RB1CC1: variants seen among roughly 807,000 people sequenced by gnomAD.
RB1CC1 encodes RB1 inducible coiled-coil 1, also known as RB1-inducible coiled-coil protein 1.
RB1CC1 carries 46 observed loss-of-function variants against 177.5 expected under a neutral mutation model. The ratio of observed to expected loss-of-function variants is 0.26; its 90% CI spans 0.20 to 0.33. The LOEUF (loss-of-function observed/expected upper bound fraction) is 0.33. Ranked by LOEUF, RB1CC1 falls within the 10% of genes least tolerant of loss-of-function variation. RB1CC1 has a pLI of 1.00. For synonymous variants in RB1CC1, 666 were observed against 613.6 expected (o/e 1.09, Z -1.26); for missense variants, 1,703 against 1,816.3 (o/e 0.94, Z 1.13).
At chr8:52,675,005 A>T (rs980773787) in intron 6 of RB1CC1, among the ~76,000 whole-genome samples, 6 of 152,162 alleles carry the variant, frequency 3.9e-5, no homozygotes, top group Non-Finnish European at 8.8e-5. Context: ...TAACACCCTG[A>T]AAACAGGTTT....
chr8:52,666,346 C>T (rs1001769987), intron 8 of RB1CC1, among the ~76,000 whole-genome samples: 1 of 152,128 alleles, frequency 6.6e-6, no homozygotes, highest in South Asian at 2.1e-4. Flanking sequence ...TGGAAAAACC[C>T]TGTCTCCACT....
intron 15 of RB1CC1, among the ~76,000 whole-genome samples, chr8:52,650,626 A>G (rs1426636813): frequency 3.9e-5 from 6 of 152,072 alleles, no homozygotes; most frequent in African/African-American, 1.5e-4. Flanking sequence ...CAATCCTGAT[A>G]CAAAAAAATG....
At chr8:52,627,162 A>G (rs948146616) in intron 22 of RB1CC1, among the ~76,000 whole-genome samples, 1 of 151,880 alleles carries the variant, frequency 6.6e-6, no homozygotes, top group Admixed American at 6.6e-5. Flanking sequence ...AGCCTAGCCA[A>G]CAGGTAAAAA....
At chr8:52,701,792 GAAA>G (rs113491836) in intron 1 of RB1CC1, among the ~76,000 whole-genome samples, 1 of 137,756 alleles carries the variant, frequency 7.3e-6, no homozygotes, top group South Asian at 2.3e-4. Context: ...AGTCTTCTTT[GAAA>G]AAAAAAAAAA....
At chr8:52,638,754 GT>G (rs779010601) in intron 18 of RB1CC1, among the ~76,000 whole-genome samples, 15 of 151,798 alleles carry the variant, frequency 9.9e-5, no homozygotes, top group Non-Finnish European at 1.9e-4. Context: ...CTATCATTTT[GT>G]TTATATATAC....
At chr8:52,698,011 T>C (rs528544646) in intron 1 of RB1CC1, among the ~76,000 whole-genome samples, 3 of 152,346 alleles carry the variant, frequency 2.0e-5, no homozygotes, top group Admixed American at 2.0e-4. Context: ...TGTCTACCCA[T>C]ACTTTTATTA....
intron 1 of RB1CC1, among the ~76,000 whole-genome samples, chr8:52,711,862 T>C (rs544079234): frequency 4.6e-5 from 7 of 152,304 alleles, no homozygotes; most frequent in Admixed American, 4.6e-4. Context: ...TTCCATTTAC[T>C]GTTTCTTCTG....
intron 5 of RB1CC1, among the ~76,000 whole-genome samples, chr8:52,683,192 T>C (rs1853927178): frequency 6.6e-6 from 1 of 152,104 alleles, no homozygotes. Flanking sequence ...TAACCACAAA[T>C]ATGGAAAAAA....
At chr8:52,631,762 C>T (rs1372127584) in intron 20 of RB1CC1, among the ~76,000 whole-genome samples, 1 of 152,152 alleles carries the variant, frequency 6.6e-6, no homozygotes, top group African/African-American at 2.4e-5. Context: ...TGCTGAGGCA[C>T]CCCGCTACAC....
At chr8:52,664,884 AT>A (rs1234385696) in intron 8 of RB1CC1, among the ~76,000 whole-genome samples, 3 of 152,198 alleles carry the variant, frequency 2.0e-5, no homozygotes, top group Non-Finnish European at 4.4e-5. Context: ...TTACTAACAA[AT>A]ATAAAACCAT....
At chr8:52,645,446 C>G (rs1228650426) in intron 16 of RB1CC1, among the ~76,000 whole-genome samples, 1 of 152,094 alleles carries the variant, frequency 6.6e-6, no homozygotes, top group Non-Finnish European at 1.5e-5. Context: ...TAATCTAAGA[C>G]TATCTCATTT....
chr8:52,693,968 T>C (rs538084696), intron 1 of RB1CC1, among the ~76,000 whole-genome samples: 1 of 152,324 alleles, frequency 6.6e-6, no homozygotes, highest in African/African-American at 2.4e-5. Context: ...GATCTTGGCA[T>C]GTAGCAGAGA....
intron 1 of RB1CC1, among the ~76,000 whole-genome samples, chr8:52,701,689 G>C (rs374458983): frequency 1.3e-5 from 2 of 151,462 alleles, no homozygotes; most frequent in South Asian, 2.1e-4. Flanking sequence ...CACCATGCTC[G>C]GCCAGATCAT....
At chr8:52,690,715 TTGATA>T (rs1854776373) in intron 1 of RB1CC1, among the ~76,000 whole-genome samples, 1 of 152,204 alleles carries the variant, frequency 6.6e-6, no homozygotes, top group Non-Finnish European at 1.5e-5. Flanking sequence ...ATCTTTTGTT[TTGATA>T]TAATTCCAGT....
intron 16 of RB1CC1, among the ~76,000 whole-genome samples, chr8:52,643,582 G>A (rs1418558200): frequency 2.0e-5 from 3 of 151,532 alleles, no homozygotes; most frequent in Non-Finnish European, 4.4e-5. Flanking sequence ...CCAGCCATTC[G>A]GGAGGCTAAG....
chr8:52,696,482 C>G (rs1262192945), intron 1 of RB1CC1, among the ~76,000 whole-genome samples: 1 of 151,904 alleles, frequency 6.6e-6, no homozygotes, highest in Non-Finnish European at 1.5e-5. Flanking sequence ...GAGATTAGGT[C>G]AAAAAGGCAA....
At position 52,683,664 on chromosome 8, in the gene RB1CC1, G is replaced by C. The variant is rs781451364; in HGVS notation, c.254C>G (p.Pro85Arg). The C allele has an allele frequency of 1.9e-6, 3 of 1,611,020 alleles. No homozygotes were observed. In the Admixed American group the frequency reaches 5.0e-5, roughly 27 times the overall value. ...NKEMILCDRP[P>R]AIPKTTFSTE... The stretch of plus-strand genomic sequence containing the variant: ...CGAAAAGGTAGTTTTAGGAATAGCA[G>C]GTGGACGATCACATAAGATCATTTC... The change falls in exon 5 of 24, where the codon CCT (proline) becomes CGT (arginine). Residue 85 changes from proline to arginine, a missense_variant. Physicochemically the swap from Pro to Arg is moderately radical, Grantham distance 103 (BLOSUM62 -2). Coordinates refer to ENST00000025008, the MANE Select transcript of RB1CC1 (RefSeq NM_014781.5).
At chr8:52,665,453 T>C (rs1319586954) in intron 8 of RB1CC1, among the ~76,000 whole-genome samples, 2 of 152,166 alleles carry the variant, frequency 1.3e-5, no homozygotes, top group African/African-American at 4.8e-5. Context: ...TTATTGAAGA[T>C]TGTGCCTAAA....
Position 52,714,435 on chromosome 8 carries a change from C to T in RB1CC1, c.-527G>A, listed in dbSNP as rs1464338074. The T allele has an allele frequency of 6.6e-6, 1 of 152,424 alleles. No homozygotes were observed. The highest frequency in any genetic ancestry group is 2.4e-5 in the African/African-American group (1 of 41,582). 9.4% of individuals were successfully genotyped at this position (152,424 alleles called of 1,614,324 possible). A position where few individuals can be genotyped will look rare whatever the true frequency, so the allele number is the denominator to read the frequency against. ...CGGCTTGGTTTGTTATTGTCGACTC[C>T]GTCTCTTCCTCCGCGGCGCATGCCG... is the stretch of plus-strand genomic sequence containing the variant. On this transcript the variant is annotated 5_prime_UTR_variant, in exon 1 of 24. Coordinates refer to ENST00000025008, the MANE Select transcript of RB1CC1 (RefSeq NM_014781.5).
Sources: gnomAD v4.1 joint callset for allele counts (sites outside exome capture counted in the v4.1 genomes callset) on GRCh38, gnomAD v4.1.1 for gene constraint, MANE v1.5 for transcripts, NCBI Gene and HGNC (gene_info 2026-07-23, HGNC 2026-07-21) for gene names.